CDH18: variants seen among roughly 807,000 people sequenced by gnomAD.
CDH18 encodes the protein cadherin 18, also known as cadherin-18.
CDH18 carries 31 observed loss-of-function variants against 67.9 expected under a neutral mutation model. The ratio of observed to expected loss-of-function variants is 0.46; its 90% confidence interval spans 0.34 to 0.62. CDH18 has a LOEUF of 0.62. Ranked by LOEUF, CDH18 falls within the 20% of genes least tolerant of loss-of-function variation. CDH18 has a pLI of 0.01. For synonymous variants in CDH18, 362 were observed against 347.2 expected (o/e 1.04, Z -0.48); for missense variants, 890 against 975.5 (o/e 0.91, Z 1.17).
At chr5:19,570,563 T>C (rs905397831) in intron 8 of CDH18, among the ~76,000 whole-genome samples, 2 of 152,158 alleles carry the variant, frequency 1.3e-5, no homozygotes, top group Non-Finnish European at 2.9e-5. Context: ...TTTTGTTAAG[T>C]GAATGAAAAC....
intron 1 of CDH18, among the ~76,000 whole-genome samples, chr5:20,464,654 T>C (rs1036105235): frequency 1.3e-5 from 2 of 152,162 alleles, no homozygotes; most frequent in East Asian, 3.9e-4. Flanking sequence ...CATTTTAAAG[T>C]ACTTGTGAGA....
At chr5:20,559,037 T>C (rs1758062218) in intron 1 of CDH18, among the ~76,000 whole-genome samples, 1 of 150,898 alleles carries the variant, frequency 6.6e-6, no homozygotes, top group Non-Finnish European at 1.5e-5. Context: ...AAACCATTGC[T>C]TACCGGCAGA....
chr5:20,115,296 T>TTC (rs1747800871), intron 2 of CDH18, among the ~76,000 whole-genome samples: 1 of 143,050 alleles, frequency 7.0e-6, no homozygotes, highest in African/African-American at 2.6e-5. Flanking sequence ...TTTTTTTTTT[T>TTC]TGAGACGGAG....
intron 1 of CDH18, among the ~76,000 whole-genome samples, chr5:20,335,939 A>G (rs1210091665): frequency 6.6e-6 from 1 of 152,206 alleles, no homozygotes. Context: ...TTGGTCTTAC[A>G]GAAAGAAAGC....
chr5:20,475,433 T>C (rs772012956), intron 1 of CDH18, among the ~76,000 whole-genome samples: 3 of 152,164 alleles, frequency 2.0e-5, no homozygotes, highest in Non-Finnish European at 4.4e-5. Flanking sequence ...ACAAAAGCCA[T>C]TGATAGGCAT....
intron 10 of CDH18, among the ~76,000 whole-genome samples, chr5:19,508,897 C>G (rs1384658300): frequency 7.0e-6 from 1 of 142,570 alleles, no homozygotes; most frequent in African/African-American, 2.6e-5. Context: ...CAGAGACTCA[C>G]TCTGTAACCA....
Position 19,695,590 on chromosome 5 carries a change from C to T in CDH18, c.643+25757G>A, listed in dbSNP as rs140173475. 1.3e-3 allele frequency among the ~76,000 whole-genome samples: 198 copies of T among 152,192 alleles called. 1 individual carries two copies. Among genetic ancestry groups the T allele is most frequent in the African/African-American group, 4.6e-3 (190 of 41,522 alleles). ...AAATCACAATTATTGTTTCAAAGTTCGCTGACAATGACACACAACCCTTGT... is the reference window on the plus strand; with the variant it reads ...AAATCACAATTATTGTTTCAAAGTTTGCTGACAATGACACACAACCCTTGT... On this transcript the variant is annotated intron_variant, in intron 5 of 12. Coordinates refer to ENST00000382275, the MANE Select transcript of CDH18 (RefSeq NM_004934.5).
chr5:19,899,187 G>A (rs1410852432), intron 2 of CDH18, among the ~76,000 whole-genome samples: 3 of 152,116 alleles, frequency 2.0e-5, no homozygotes, highest in East Asian at 1.9e-4. Flanking sequence ...ATCACCTGAG[G>A]TCAGGAGTTC....
intron 2 of CDH18, among the ~76,000 whole-genome samples, chr5:20,054,050 C>A (rs1387986092): frequency 6.6e-6 from 1 of 152,058 alleles, no homozygotes. Flanking sequence ...AATAAATCTT[C>A]TGTAGGTAAT....
intron 2 of CDH18, among the ~76,000 whole-genome samples, chr5:20,159,856 T>A (rs1314587915): frequency 1.3e-5 from 2 of 152,168 alleles, no homozygotes; most frequent in Non-Finnish European, 2.9e-5. Flanking sequence ...CCTACTGCAA[T>A]GCACAATCAC....
In CDH18 at chr5:19,680,930, A is replaced by G. The variant is rs115298033; in HGVS notation, c.643+40417T>C. On this transcript the variant is annotated intron_variant, in intron 5 of 12. Coordinates refer to ENST00000382275, the MANE Select transcript of CDH18 (RefSeq NM_004934.5). Reference sequence around the variant, plus strand: ...TTATTTGGTACATACCCAAAGGAATATAAATTATTCTACTATAAAGACACA... The same window carrying G: ...TTATTTGGTACATACCCAAAGGAATGTAAATTATTCTACTATAAAGACACA... 8.7e-3 allele frequency among the ~76,000 whole-genome samples: 1,330 copies of G among 152,206 alleles called. 12 individuals are homozygous for G. The highest frequency in any genetic ancestry group is 0.012 in the Non-Finnish European group (842 of 67,968).
chr5:20,302,506 G>A (rs2149970202), intron 1 of CDH18, among the ~76,000 whole-genome samples: 1 of 152,168 alleles, frequency 6.6e-6, no homozygotes, highest in East Asian at 1.9e-4. Flanking sequence ...TTCATCCAAA[G>A]CCACACACTA....
intron 2 of CDH18, among the ~76,000 whole-genome samples, chr5:20,203,392 G>A (rs898711600): frequency 6.6e-6 from 1 of 152,164 alleles, no homozygotes; most frequent in Non-Finnish European, 1.5e-5. Flanking sequence ...TCACACTTGA[G>A]GAGGTATGTT....
At chr5:20,393,727 A>G (rs914982879) in intron 1 of CDH18, among the ~76,000 whole-genome samples, 2 of 152,044 alleles carry the variant, frequency 1.3e-5, no homozygotes, top group Non-Finnish European at 2.9e-5. Context: ...ATACACCAAC[A>G]ACAATCAAGC....
intron 2 of CDH18, among the ~76,000 whole-genome samples, chr5:20,143,637 T>G (rs1244696462): frequency 6.6e-6 from 1 of 152,164 alleles, no homozygotes; most frequent in Non-Finnish European, 1.5e-5. Context: ...TGAAAATGCT[T>G]GGATTACAGG....
intron 2 of CDH18, among the ~76,000 whole-genome samples, chr5:19,884,959 C>G (rs181841398): frequency 6.6e-6 from 1 of 152,192 alleles, no homozygotes; most frequent in South Asian, 2.1e-4. Flanking sequence ...TTCACACTAT[C>G]AAGACATTAT....
At chr5:19,635,652 T>C (rs552661880) in intron 5 of CDH18, among the ~76,000 whole-genome samples, 24 of 152,294 alleles carry the variant, frequency 1.6e-4, no homozygotes, top group African/African-American at 5.5e-4. Flanking sequence ...ACAAAGAGTA[T>C]AAATTCTTAG....
intron 5 of CDH18, among the ~76,000 whole-genome samples, chr5:19,674,012 C>T (rs927895613): frequency 6.6e-6 from 1 of 152,004 alleles, no homozygotes; most frequent in African/African-American, 2.4e-5. Flanking sequence ...ACAATCCTCA[C>T]AAACTGAATA....
chr5:20,161,279 A>C (rs1735870741), intron 2 of CDH18, among the ~76,000 whole-genome samples: 1 of 152,244 alleles, frequency 6.6e-6, no homozygotes, highest in African/African-American at 2.4e-5. Context: ...GGTGTCTCAC[A>C]TGACACTGGC....
Sources: gnomAD v4.1 joint callset for allele counts (sites outside exome capture counted in the v4.1 genomes callset) on GRCh38, gnomAD v4.1.1 for gene constraint, MANE v1.5 for transcripts, NCBI Gene and HGNC (gene_info 2026-07-23, HGNC 2026-07-21) for gene names.